The following STPG4 variants were observed in gnomAD, a reference collection of about 807,000 sequenced individuals.
STPG4 encodes the protein protein STPG4.
STPG4 carries 41 observed loss-of-function variants against 31.5 expected under a neutral mutation model. The observed-to-expected ratio is 1.30, with a 90% CI of 1.01 to 1.69. The LOEUF (loss-of-function observed/expected upper bound fraction) is 1.69, where lower values mean the gene tolerates loss of function less well. STPG4 is among the 40% of genes most tolerant of loss of function. The pLI, the probability that STPG4 is intolerant of heterozygous loss-of-function variation, is 0.00. For missense variants in STPG4, 375 were observed against 293.4 expected (o/e 1.28, Z -2.03); for synonymous variants, 141 against 103.0 (o/e 1.37, Z -2.24).
rs562995879 is a variant in STPG4 at position 47,125,794 on chromosome 2, AG to A, written c.519+4146del. ...GGCTGGTCTCGAATTCCTGGGCTCA[AG>A]GGATCCTCCTGCCTTGGCCTCCCAA... On this transcript the variant is annotated intron_variant, in intron 5 of 6. Transcript: ENST00000445927. 1.8e-4 allele frequency among the ~76,000 whole-genome samples: 28 copies of A among 152,064 alleles called. No homozygotes were observed. The East Asian group carries it at 5.4e-3, about 29-fold the overall frequency.
chr2:47,147,564 A>G (rs1300228958), intron 3 of STPG4, among the ~76,000 whole-genome samples: 2 of 152,198 alleles, frequency 1.3e-5, no homozygotes, highest in African/African-American at 4.8e-5. Flanking sequence ...AAAACATCTA[A>G]GGAGTGAGTG....
At chr2:47,118,340 C>T (rs927185203) in intron 5 of STPG4, among the ~76,000 whole-genome samples, 3 of 152,120 alleles carry the variant, frequency 2.0e-5, no homozygotes, top group Non-Finnish European at 4.4e-5. Flanking sequence ...AATCTAATGC[C>T]TGATGATCTG....
At chr2:47,142,839 T>TTTC (rs939693556) in intron 3 of STPG4, among the ~76,000 whole-genome samples, 5 of 141,190 alleles carry the variant, frequency 3.5e-5, no homozygotes, top group Non-Finnish European at 6.2e-5. Flanking sequence ...ATCTCATCTT[T>TTTC]TTTTTTTTTT....
intron 5 of STPG4, among the ~76,000 whole-genome samples, chr2:47,116,659 A>G (rs1016204343): frequency 2.6e-5 from 4 of 152,084 alleles, no homozygotes; most frequent in Admixed American, 1.3e-4. Flanking sequence ...AGATACCCTA[A>G]TTCTTGTCTC....
intron 3 of STPG4, among the ~76,000 whole-genome samples, chr2:47,139,715 T>C (rs1262737157): frequency 1.3e-5 from 2 of 152,180 alleles, no homozygotes; most frequent in African/African-American, 4.8e-5. Context: ...GTGGGTTTCT[T>C]GTAGACAACA....
intron 3 of STPG4, among the ~76,000 whole-genome samples, chr2:47,140,894 C>CTT (rs11379597): frequency 3.0e-4 from 44 of 147,958 alleles, no homozygotes; most frequent in Admixed American, 4.0e-4. Context: ...TTTCCAGGTA[C>CTT]TTTTTTTTTT....
intron 3 of STPG4, among the ~76,000 whole-genome samples, chr2:47,140,227 T>C (rs1686675322): frequency 6.6e-6 from 1 of 152,200 alleles, no homozygotes; most frequent in South Asian, 2.1e-4. Flanking sequence ...GAGTTGGGTA[T>C]TGCCCTTCCC....
intron 6 of STPG4, among the ~76,000 whole-genome samples, chr2:47,089,399 G>A (rs1685522663): frequency 6.6e-6 from 1 of 152,200 alleles, no homozygotes; most frequent in African/African-American, 2.4e-5. Context: ...TGGGATATAG[G>A]CTAAGGAGGG....
At chr2:47,113,105 A>G (rs1686075766) in intron 5 of STPG4, among the ~76,000 whole-genome samples, 1 of 152,322 alleles carries the variant, frequency 6.6e-6, no homozygotes, top group African/African-American at 2.4e-5. Context: ...AAAGATACAT[A>G]GATCTCATTC....
intron 5 of STPG4, among the ~76,000 whole-genome samples, chr2:47,094,989 C>G (rs1224367946): frequency 6.6e-6 from 1 of 152,176 alleles, no homozygotes. Context: ...GGAGTGAAGA[C>G]GTGTATCACT....
At chr2:47,100,021 C>G (rs1685759138) in intron 5 of STPG4, among the ~76,000 whole-genome samples, 1 of 152,118 alleles carries the variant, frequency 6.6e-6, no homozygotes, top group African/African-American at 2.4e-5. Context: ...CCCACCCCTT[C>G]CATGGGCTCC....
chr2:47,094,679 G>T (rs1685635509), intron 5 of STPG4, among the ~76,000 whole-genome samples: 1 of 152,186 alleles, frequency 6.6e-6, no homozygotes, highest in Non-Finnish European at 1.5e-5. Context: ...GCTTTCAGAT[G>T]CCAAACCAGG....
intron 5 of STPG4, chr2:47,129,715 C>A (rs538029765): frequency 6.1e-5 from 30 of 493,076 alleles, no homozygotes; most frequent in Middle Eastern, 4.6e-4. Flanking sequence ...CTCTTCAGTG[C>A]CTCTTTCCTT....
chr2:47,110,635 G>A (rs1300053501), intron 5 of STPG4, among the ~76,000 whole-genome samples: 2 of 152,178 alleles, frequency 1.3e-5, no homozygotes, highest in African/African-American at 4.8e-5. Flanking sequence ...GAAACCAATT[G>A]AAGAGAAAGA....
At chr2:47,146,475 C>G (rs1318606238) in intron 3 of STPG4, among the ~76,000 whole-genome samples, 3 of 151,146 alleles carry the variant, frequency 2.0e-5, no homozygotes, top group Admixed American at 6.6e-5. Context: ...CCTGTAATCT[C>G]AGCACTTTGG....
At chr2:47,121,599 T>C (rs904820485) in intron 5 of STPG4, among the ~76,000 whole-genome samples, 1 of 152,198 alleles carries the variant, frequency 6.6e-6, no homozygotes, top group South Asian at 2.1e-4. Flanking sequence ...TCACTATGAC[T>C]GCTATAACAA....
chr2:47,103,203 A>G (rs895118461), intron 5 of STPG4, among the ~76,000 whole-genome samples: 1 of 151,906 alleles, frequency 6.6e-6, no homozygotes, highest in Non-Finnish European at 1.5e-5. Context: ...ACTAGAAAAA[A>G]GCCCATGAAT....
chr2:47,097,805 G>A (rs746546713), intron 5 of STPG4, among the ~76,000 whole-genome samples: 17 of 152,128 alleles, frequency 1.1e-4, no homozygotes, highest in Non-Finnish European at 1.9e-4. Flanking sequence ...ACAGATGTCT[G>A]CATAGGCTCC....
chr2:47,098,932 G>C (rs769091588), intron 5 of STPG4, among the ~76,000 whole-genome samples: 1 of 152,138 alleles, frequency 6.6e-6, no homozygotes, highest in Non-Finnish European at 1.5e-5. Context: ...CAAGACAAGG[G>C]GGTCATATAC....
Sources: gnomAD v4.1 joint callset for allele counts (sites outside exome capture counted in the v4.1 genomes callset) on GRCh38, gnomAD v4.1.1 for gene constraint, MANE v1.5 for transcripts, NCBI Gene and HGNC (gene_info 2026-07-23, HGNC 2026-07-21) for gene names.